NUCB1: variants seen among roughly 807,000 people sequenced by gnomAD.
NUCB1 encodes nucleobindin 1, also known as nucleobindin-1.
In NUCB1, 47 loss-of-function variants were observed where a neutral mutation model predicts 61.2. That is an observed-to-expected ratio of 0.77 (90% confidence interval 0.61 to 0.98). The LOEUF (loss-of-function observed/expected upper bound fraction) is 0.98. Ranked by LOEUF, NUCB1 falls within the 50% of genes least tolerant of loss-of-function variation. The pLI, the probability that NUCB1 is intolerant of heterozygous loss-of-function variation, is 0.00. For synonymous variants in NUCB1, 234 were observed against 243.1 expected (o/e 0.96, Z 0.35); for missense variants, 583 against 605.3 (o/e 0.96, Z 0.39).
chr19:48,912,861 AAG>A, intron 5 of NUCB1, 148 bp from the exon 6 acceptor site: 2 of 442,330 alleles, frequency 4.5e-6, no homozygotes, highest in South Asian at 5.7e-5. Context: ...AAAAAAAAAA[AAG>A]GGACATTAGG....
chr19:48,901,197 A>T, intron 2 of NUCB1: 10 of 586,168 alleles, frequency 1.7e-5, no homozygotes, highest in Non-Finnish European at 3.1e-6. Context: ...AGGAATTTGA[A>T]AACAAACAAA....
At chr19:48,920,236 T>C (rs560953908) in intron 10 of NUCB1, among the ~76,000 whole-genome samples, 2 of 152,246 alleles carry the variant, frequency 1.3e-5, no homozygotes, top group Admixed American at 1.3e-4. Context: ...CTCAAACTCC[T>C]GTCCTCAAGT....
At chr19:48,918,955 C>A in intron 8 of NUCB1, 75 bp from the exon 9 acceptor site, 1 of 1,465,240 alleles carries the variant, frequency 6.8e-7, no homozygotes, top group Non-Finnish European at 9.5e-7. Context: ...CAAAGGACTG[C>A]TGGGAGTTGA....
In NUCB1 at chr19:48,919,416, A is replaced by G. The variant is rs1043993748; in HGVS notation, c.1002+130A>G. On this transcript the variant is annotated intron_variant, in intron 10 of 12. Transcript: ENST00000405315. ...CATTCTCCTGGGTCACTGCATCTCT[A>G]TCTCTGGGTCTCTGTTTTCCCCTGT... 1.9e-4 allele frequency: 109 copies of G among 577,440 alleles called. 1 individual carries two copies. Among genetic ancestry groups the G allele is most frequent in the Non-Finnish European group, 2.7e-4 (88 of 325,532 alleles). The allele number at this position is 577,440 out of a possible 1,614,324, so 35.8% of individuals were successfully genotyped here. A position where few individuals can be genotyped will look rare whatever the true frequency, so the allele number is the denominator to read the frequency against.
Position 48,918,800 on chromosome 19 carries a change from G to T in NUCB1, c.816+16G>T. 6.2e-7 allele frequency: 1 copy of T among 1,612,452 alleles called. No homozygotes were observed. The highest frequency in any genetic ancestry group is 8.5e-7 in the Non-Finnish European group (1 of 1,178,548). The stretch of plus-strand genomic sequence containing the variant: ...CACCAAGGAGGTGAGCATCTTGGAA[G>T]CCTCGGGCACCTGGAGGGACGCCCA... On this transcript the variant is annotated intron_variant, in intron 8 of 12. Coordinates refer to ENST00000405315, the MANE Select transcript of NUCB1 (RefSeq NM_006184.6).
intron 7 of NUCB1, among the ~76,000 whole-genome samples, chr19:48,914,203 C>T (rs1408414355): frequency 6.6e-6 from 1 of 151,900 alleles, no homozygotes; most frequent in Non-Finnish European, 1.5e-5. Flanking sequence ...CTCGAACTCC[C>T]AACCTCGTGT....
At chr19:48,918,979 G>T (rs547737934) in intron 8 of NUCB1, 51 bp from the exon 9 acceptor site, 1 of 1,563,844 alleles carries the variant, frequency 6.4e-7, no homozygotes, top group Admixed American at 1.7e-5. Flanking sequence ...TGTCGGGAAT[G>T]AGCTCGCTGG....
At position 48,921,337 on chromosome 19, in the gene NUCB1, G is replaced by T; in HGVS notation, c.1173+13G>T. On this transcript the variant is annotated intron_variant, in intron 11 of 12. Coordinates refer to ENST00000405315, the MANE Select transcript of NUCB1 (RefSeq NM_006184.6). ...AGAGCTGCAGCAGGTGACAGCGGGG[G>T]AAGCTGCTTCCATCCACTGAATCTC... 1 of 1,568,086 alleles carries T rather than the reference G, an allele frequency of 6.4e-7. No individual in the cohort carries two copies. The highest frequency in any genetic ancestry group is 8.6e-7 in the Non-Finnish European group (1 of 1,157,092).
intron 4 of NUCB1, among the ~76,000 whole-genome samples, chr19:48,909,818 A>G (rs1400874056): frequency 6.6e-6 from 1 of 152,132 alleles, no homozygotes; most frequent in East Asian, 1.9e-4. Context: ...CTGGGATTAC[A>G]GGCATGAGCC....
chr19:48,919,153 G>A (rs753314116), intron 9 of NUCB1, 31 bp downstream of exon 9: 7 of 1,612,796 alleles, frequency 4.3e-6, no homozygotes, highest in South Asian at 3.3e-5. Context: ...GGGAGAGGAC[G>A]GGCCCCCAGC....
At position 48,913,559 on chromosome 19, in the gene NUCB1, T is replaced by TA. The variant is rs1196408860; in HGVS notation, c.752_753insA (p.His252AlafsTer2). On this transcript the variant is annotated frameshift_variant, in exon 7 of 13. Coordinates refer to ENST00000405315, the MANE Select transcript of NUCB1 (RefSeq NM_006184.6). LOFTEE classifies it high-confidence loss of function. ...TTTAACCCCAAGACCTTCTTCATACTGCATGGTAAGGTGGGGAGGGAGTTC... is the reference window on the plus strand; with the variant it reads ...TTTAACCCCAAGACCTTCTTCATACTAGCATGGTAAGGTGGGGAGGGAGTTC... The TA allele has an allele frequency of 6.2e-7, 1 of 1,613,034 alleles. No homozygotes were observed. The highest frequency in any genetic ancestry group is 8.5e-7 in the Non-Finnish European group (1 of 1,179,128).
intron 5 of NUCB1, among the ~76,000 whole-genome samples, chr19:48,911,492 G>A (rs2037473431): frequency 6.9e-6 from 1 of 143,926 alleles, no homozygotes; most frequent in Non-Finnish European, 1.5e-5. Context: ...TGCAACCTCC[G>A]CCTCCCGGGT....
chr19:48,912,876 A>G, intron 5 of NUCB1, 135 bp from the exon 6 acceptor site: 1 of 462,672 alleles, frequency 2.2e-6, no homozygotes, highest in Admixed American at 3.8e-5. Flanking sequence ...ACATTAGGAC[A>G]CGAGACGTAA....
At chr19:48,921,716 C>T in intron 11 of NUCB1, 111 bp from the exon 12 acceptor site, 1 of 992,782 alleles carries the variant, frequency 1.0e-6, no homozygotes, top group Non-Finnish European at 1.6e-6. Flanking sequence ...AAGGGGTTGG[C>T]CGTGACCACT....
Position 48,904,398 on chromosome 19 carries a change from G to C in NUCB1, c.187G>C (p.Glu63Gln). Residue 63 changes from glutamate to glutamine, a missense_variant, in exon 3 of 13, where the codon GAG (glutamate) becomes CAG (glutamine). Glu to Gln is a conservative substitution (Grantham distance 29). Transcript: ENST00000405315. ...RYLQEVIDVLETDGHFREKLQ... is the reference protein window; with the variant it reads ...RYLQEVIDVLQTDGHFREKLQ... ...CCTCCAGGAGGTCATCGATGTACTGGAGACGGATGGGCATTTCCGAGAGAA... is the reference window on the plus strand; with the variant it reads ...CCTCCAGGAGGTCATCGATGTACTGCAGACGGATGGGCATTTCCGAGAGAA... 7 of 1,613,824 alleles carry C rather than the reference G, an allele frequency of 4.3e-6. No homozygotes were observed. Among genetic ancestry groups the C allele is most frequent in the Non-Finnish European group, 5.9e-6 (7 of 1,179,900 alleles).
chr19:48,907,533 C>A (rs1250146039), intron 4 of NUCB1, among the ~76,000 whole-genome samples: 1 of 152,168 alleles, frequency 6.6e-6, no homozygotes, highest in Non-Finnish European at 1.5e-5. Flanking sequence ...TCTCGGCCTT[C>A]CAAAGTGCTG....
At chr19:48,913,753 T>C (rs1454731166) in intron 7 of NUCB1, among the ~76,000 whole-genome samples, 189 bp downstream of exon 7, 1 of 151,978 alleles carries the variant, frequency 6.6e-6, no homozygotes, top group African/African-American at 2.4e-5. Context: ...CATGGAAGGG[T>C]TGGGCCTCTT....
chr19:48,913,688 T>A, intron 7 of NUCB1, 124 bp downstream of exon 7: 1 of 721,004 alleles, frequency 1.4e-6, no homozygotes, highest in Non-Finnish European at 2.4e-6. Context: ...GCCAAGCCTA[T>A]GTCCCCTGGT....
At chr19:48,903,850 A>T (rs2037381758) in intron 2 of NUCB1, among the ~76,000 whole-genome samples, 1 of 117,282 alleles carries the variant, frequency 8.5e-6, no homozygotes, top group Non-Finnish European at 1.7e-5. Flanking sequence ...GGATGGATGG[A>T]TGGATGAGTG....
Sources: allele counts gnomAD v4.1 joint callset (sites outside exome capture counted in the v4.1 genomes callset), GRCh38; gene constraint gnomAD v4.1.1; transcripts MANE v1.5; gene names NCBI Gene and HGNC (gene_info 2026-07-23, HGNC 2026-07-21).